Variants in ZNF506 observed in about 807,000 individuals in gnomAD.
ZNF506 encodes zinc finger protein 506.
A neutral mutation model predicts 11.6 loss-of-function variants in ZNF506; 10 were observed. The ratio of observed to expected loss-of-function variants is 0.86; its 90% CI spans 0.53 to 1.46. ZNF506 has a LOEUF of 1.46. ZNF506 is among the 40% of genes most tolerant of loss of function. The pLI, the probability that ZNF506 is intolerant of heterozygous loss-of-function variation, is 0.00. For missense variants in ZNF506, 425 were observed against 521.2 expected (o/e 0.82, Z 1.80); for synonymous variants, 156 against 173.3 (o/e 0.90, Z 0.78).
intron 3 of ZNF506, chr19:19,798,366 A>T (rs552960375): frequency 5.3e-5 from 8 of 152,308 alleles, no homozygotes; most frequent in African/African-American, 1.7e-4. Context: ...AAAATATCCG[A>T]GGCCAGGCAC....
chr19:19,810,901 G>T (rs1173016134), intron 1 of ZNF506, among the ~76,000 whole-genome samples: 1 of 151,878 alleles, frequency 6.6e-6, no homozygotes, highest in African/African-American at 2.4e-5. Context: ...GTTCTGTGAG[G>T]CAAGACTCCA....
At chr19:19,812,290 C>G (rs1409642475) in intron 1 of ZNF506, among the ~76,000 whole-genome samples, 1 of 152,236 alleles carries the variant, frequency 6.6e-6, no homozygotes, top group African/African-American at 2.4e-5. Context: ...AATTCCCAGT[C>G]ACCCTGGGCC....
chr19:19,814,274 G>A (rs2145202641), intron 1 of ZNF506, among the ~76,000 whole-genome samples: 1 of 152,038 alleles, frequency 6.6e-6, no homozygotes, highest in South Asian at 2.1e-4. Context: ...CGGGGTTGGT[G>A]GCACGTGCCT....
chr19:19,818,159 A>G (rs2062947424), intron 1 of ZNF506, among the ~76,000 whole-genome samples: 1 of 152,164 alleles, frequency 6.6e-6, no homozygotes, highest in Admixed American at 6.5e-5. Flanking sequence ...TTCATAAGAA[A>G]AGCAAATATA....
chr19:19,810,852 G>A (rs2062877737), intron 1 of ZNF506, among the ~76,000 whole-genome samples: 1 of 151,882 alleles, frequency 6.6e-6, no homozygotes, highest in Admixed American at 6.6e-5. Context: ...TAGAAATGCA[G>A]TAGGATTTAC....
At chr19:19,795,799 G>T in intron 3 of ZNF506, 139 bp from the exon 4 acceptor site, 1 of 846,586 alleles carries the variant, frequency 1.2e-6, no homozygotes, top group Non-Finnish European at 1.7e-6. Context: ...TTTCTTCCTG[G>T]ATATATAACT....
Position 19,821,714 on chromosome 19 carries a change from G to C in ZNF506, c.-111C>G. 1 of 1,379,876 alleles carries C rather than the reference G, an allele frequency of 7.2e-7. No individual in the cohort carries two copies. Among genetic ancestry groups the C allele is most frequent in the Non-Finnish European group, 1.0e-6 (1 of 971,158 alleles). 85.5% of individuals were successfully genotyped at this position (1,379,876 alleles called of 1,614,324 possible). On this transcript the variant is annotated 5_prime_UTR_variant, in exon 1 of 4. Coordinates refer to ENST00000540806, the MANE Select transcript of ZNF506 (RefSeq NM_001099269.3). ...GGAGCTGACGGCACAGAGCAGTGAA[G>C]ACGATAGCTGGATCTCTGGCGTCAG...
intron 3 of ZNF506, among the ~76,000 whole-genome samples, chr19:19,802,810 A>G (rs2062805978): frequency 6.6e-6 from 1 of 152,216 alleles, no homozygotes; most frequent in Non-Finnish European, 1.5e-5. Context: ...AGATGAAAAG[A>G]TTAAAAGTCC....
chr19:19,794,719 T>C lies in ZNF506; in HGVS notation c.1168A>G (p.Ile390Val). ...TTGTACGGTTTCTCTCCAGTATGAATTATCTTATGTTCAGTTAGAGTTGAG... is the reference window on the plus strand; with the variant it reads ...TTGTACGGTTTCTCTCCAGTATGAACTATCTTATGTTCAGTTAGAGTTGAG... Reference protein sequence around the residue: ...AFSTLTEHKIIHTGEKPYKCE... With the variant: ...AFSTLTEHKIVHTGEKPYKCE... The change falls in exon 4 of 4, where the codon ATT becomes GTT. Residue 390 changes from isoleucine (I) to valine (V), a missense_variant. Coordinates refer to ENST00000540806, the MANE Select transcript of ZNF506 (RefSeq NM_001099269.3). 6.2e-7 allele frequency: 1 copy of C among 1,613,932 alleles called. No individual in the cohort carries two copies. Among genetic ancestry groups the C allele is most frequent in the Non-Finnish European group, 8.5e-7 (1 of 1,179,984 alleles).
At chr19:19,821,100 A>G (rs375800963) in intron 1 of ZNF506, among the ~76,000 whole-genome samples, 1 of 152,118 alleles carries the variant, frequency 6.6e-6, no homozygotes, top group Non-Finnish European at 1.5e-5. Context: ...GGGTTTCCCC[A>G]TTTTGGCCAG....
intron 3 of ZNF506, chr19:19,799,247 G>C (rs35280091): frequency 0.2 from 78,577 of 388,874 alleles, 8,345 homozygotes; most frequent in East Asian, 0.3. Context: ...AAGTTGAATA[G>C]AGCAATATAA....
In ZNF506 at chr19:19,793,383, A is replaced by T. The variant is rs1968276033; in HGVS notation, c.*1169T>A. ...TAGTATAAACTCTCTGATGTTTTCT[A>T]AGCTATAGATTTTGAAAAAAAAAGT... On this transcript the variant is annotated 3_prime_UTR_variant, in exon 4 of 4. Transcript: ENST00000540806. 6.6e-6 allele frequency among the ~76,000 whole-genome samples: 1 copy of T among 152,240 alleles called. No homozygotes were observed. Among genetic ancestry groups the T allele is most frequent in the South Asian group, 2.1e-4 (1 of 4,820 alleles).
At chr19:19,807,966 GA>G (rs2062848464) in intron 1 of ZNF506, among the ~76,000 whole-genome samples, 1 of 151,540 alleles carries the variant, frequency 6.6e-6, no homozygotes, top group Admixed American at 6.6e-5. Flanking sequence ...AAATATGTAG[GA>G]AAAAAATAAG....
At chr19:19,800,701 C>T (rs1346102961) in intron 3 of ZNF506, among the ~76,000 whole-genome samples, 1 of 151,734 alleles carries the variant, frequency 6.6e-6, no homozygotes, top group Admixed American at 6.6e-5. Flanking sequence ...AGGTGTGAGC[C>T]ACTGCGCCTG....
chr19:19,815,073 T>C (rs908099171), intron 1 of ZNF506, among the ~76,000 whole-genome samples: 1 of 151,856 alleles, frequency 6.6e-6, no homozygotes, highest in Admixed American at 6.6e-5. Flanking sequence ...CTGGCTAACA[T>C]GGTGAAACCC....
chr19:19,808,628 C>G lies in ZNF506; in HGVS notation c.4-1560G>C, dbSNP rs569380326. Among the ~76,000 whole-genome samples the G allele has an allele frequency of 2.6e-5, 4 of 151,130 alleles. No individual in the cohort carries two copies. The East Asian group carries it at 8.0e-4, about 30-fold the overall frequency. ...TGGGAGGCACGAGGTGGGCGGATCA[C>G]GAGGTCATGAGTTCGAGACCAGCCT... On this transcript the variant is annotated intron_variant, in intron 1 of 3. Transcript: ENST00000540806.
At chr19:19,805,990 T>G in intron 3 of ZNF506, 41 bp downstream of exon 3, 1 of 1,515,924 alleles carries the variant, frequency 6.6e-7, no homozygotes, top group South Asian at 1.2e-5. Flanking sequence ...TTGGGACCTC[T>G]ATCTGTGTTG....
chr19:19,803,883 A>C (rs554419287), intron 3 of ZNF506, among the ~76,000 whole-genome samples: 1 of 152,226 alleles, frequency 6.6e-6, no homozygotes, highest in African/African-American at 2.4e-5. Context: ...CCATTGAAAT[A>C]GAAAAATAAG....
At chr19:19,815,461 C>T (rs1568480924) in intron 1 of ZNF506, among the ~76,000 whole-genome samples, 1 of 152,112 alleles carries the variant, frequency 6.6e-6, no homozygotes, top group South Asian at 2.1e-4. Flanking sequence ...TCCTCTGTCA[C>T]CCTGAGAGAA....
Sources: gnomAD v4.1 joint callset for allele counts (sites outside exome capture counted in the v4.1 genomes callset) on GRCh38, gnomAD v4.1.1 for gene constraint, MANE v1.5 for transcripts, NCBI Gene and HGNC (gene_info 2026-07-23, HGNC 2026-07-21) for gene names.